The following DNAJC5B variants were observed in gnomAD, a reference collection of about 807,000 sequenced individuals.
DNAJC5B encodes dnaJ homolog subfamily C member 5B.
DNAJC5B carries 23 observed loss-of-function variants against 24.7 expected under a neutral mutation model. That is an observed-to-expected ratio of 0.93 (90% CI 0.67 to 1.32). DNAJC5B has a LOEUF of 1.32. Ranked by LOEUF, DNAJC5B falls within the 40% of genes most tolerant of loss-of-function variation. DNAJC5B has a pLI of 0.00. For synonymous variants in DNAJC5B, 101 were observed against 90.1 expected (o/e 1.12, Z -0.68); for missense variants, 238 against 240.8 (o/e 0.99, Z 0.08).
chr8:66,046,756 C>T (rs745490841), intron 2 of DNAJC5B, among the ~76,000 whole-genome samples: 5 of 152,204 alleles, frequency 3.3e-5, no homozygotes, highest in East Asian at 1.9e-4. Context: ...ATGAACTTAC[C>T]GTGGTCAAAA....
At chr8:66,028,935 C>G (rs1351656036) in intron 1 of DNAJC5B, among the ~76,000 whole-genome samples, 1 of 152,204 alleles carries the variant, frequency 6.6e-6, no homozygotes, top group African/African-American at 2.4e-5. Context: ...CTTCACTGGA[C>G]CAAGCCTCTC....
chr8:66,100,225 A>G lies in DNAJC5B; in HGVS notation c.*194A>G. 1 of 520,228 alleles carries G rather than the reference A, an allele frequency of 1.9e-6. No homozygotes were observed. Among genetic ancestry groups the G allele is most frequent in the Non-Finnish European group, 3.4e-6 (1 of 293,422 alleles). The allele number at this position is 520,228 out of a possible 1,614,324, so 32.2% of individuals were successfully genotyped here. A position where few individuals can be genotyped will look rare whatever the true frequency, so the allele number is the denominator to read the frequency against. On this transcript the variant is annotated 3_prime_UTR_variant, in exon 6 of 6. Coordinates refer to ENST00000276570, the MANE Select transcript of DNAJC5B (RefSeq NM_033105.6). ...TTCTCTCTGAGTAGAATTTCTTATG[A>G]AACACATTCAATTTGGGTGAATAAA...
At chr8:66,050,530 C>T (rs1271656934) in intron 2 of DNAJC5B, among the ~76,000 whole-genome samples, 3 of 152,100 alleles carry the variant, frequency 2.0e-5, no homozygotes, top group African/African-American at 7.2e-5. Context: ...ATAGATAGTT[C>T]TATATTTTTA....
intron 1 of DNAJC5B, among the ~76,000 whole-genome samples, chr8:66,033,846 A>G (rs2128956760): frequency 7.0e-6 from 1 of 143,674 alleles, no homozygotes; most frequent in Non-Finnish European, 1.5e-5. Context: ...ATTGAATCAT[A>G]GTTGAGAAGG....
At chr8:66,066,664 C>T (rs1807202655) in intron 3 of DNAJC5B, among the ~76,000 whole-genome samples, 1 of 152,022 alleles carries the variant, frequency 6.6e-6, no homozygotes, top group South Asian at 2.1e-4. Flanking sequence ...CACTTATAAG[C>T]TAAGCTATGG....
At chr8:66,076,914 C>T (rs1807480819) in intron 4 of DNAJC5B, 41 bp downstream of exon 4, 1 of 1,598,570 alleles carries the variant, frequency 6.3e-7, no homozygotes, top group Non-Finnish European at 8.6e-7. Context: ...CCTGTAAGAC[C>T]ATGATATTAA....
intron 3 of DNAJC5B, among the ~76,000 whole-genome samples, chr8:66,055,721 T>A (rs1806947392): frequency 1.3e-5 from 2 of 152,084 alleles, no homozygotes; most frequent in African/African-American, 2.4e-5. Flanking sequence ...GGTGGATGGA[T>A]CACTTGAGGT....
chr8:66,083,520 G>A (rs1807650738), intron 5 of DNAJC5B, among the ~76,000 whole-genome samples: 1 of 152,112 alleles, frequency 6.6e-6, no homozygotes, highest in East Asian at 1.9e-4. Context: ...AAGATTTGGA[G>A]GAATTTTCCA....
At chr8:66,079,811 A>G (rs548267699) in intron 4 of DNAJC5B, among the ~76,000 whole-genome samples, 1 of 152,184 alleles carries the variant, frequency 6.6e-6, no homozygotes, top group South Asian at 2.1e-4. Flanking sequence ...AAGTGTCCAG[A>G]CTAGACATAG....
At chr8:66,026,460 A>G (rs758605076) in intron 1 of DNAJC5B, among the ~76,000 whole-genome samples, 6 of 152,244 alleles carry the variant, frequency 3.9e-5, no homozygotes, top group Non-Finnish European at 8.8e-5. Flanking sequence ...GTTTTATTTA[A>G]GAGGCTTGGA....
At chr8:66,083,787 A>G (rs999830105) in intron 5 of DNAJC5B, among the ~76,000 whole-genome samples, 2 of 152,220 alleles carry the variant, frequency 1.3e-5, no homozygotes, top group Non-Finnish European at 2.9e-5. Flanking sequence ...AATTAAACTG[A>G]AACCTATCCC....
intron 1 of DNAJC5B, among the ~76,000 whole-genome samples, chr8:66,032,179 C>A (rs181419632): frequency 7.4e-4 from 113 of 152,384 alleles, no homozygotes; most frequent in African/African-American, 2.5e-3. Flanking sequence ...GCTGGGTACT[C>A]TGAACCAGTA....
intron 5 of DNAJC5B, among the ~76,000 whole-genome samples, chr8:66,098,594 T>C (rs1452720275): frequency 6.6e-6 from 1 of 150,710 alleles, no homozygotes; most frequent in Non-Finnish European, 1.5e-5. Flanking sequence ...TTGTCTCTCT[T>C]TTTTTTTTCT....
chr8:66,057,208 A>G (rs963313968), intron 3 of DNAJC5B: 2 of 152,198 alleles, frequency 1.3e-5, no homozygotes, highest in African/African-American at 4.8e-5. Flanking sequence ...TCTTGAAGCA[A>G]GTAAAAAAAA....
At chr8:66,068,224 T>C (rs1012243209) in intron 3 of DNAJC5B, among the ~76,000 whole-genome samples, 1 of 152,186 alleles carries the variant, frequency 6.6e-6, no homozygotes, top group Non-Finnish European at 1.5e-5. Flanking sequence ...GCAGAAATAA[T>C]AGGAACAGAG....
chr8:66,084,648 G>T (rs982000838), intron 5 of DNAJC5B, among the ~76,000 whole-genome samples: 1 of 152,014 alleles, frequency 6.6e-6, no homozygotes, highest in East Asian at 1.9e-4. Context: ...ACCAAAGGAG[G>T]GCATAGAGTC....
At chr8:66,030,125 A>G (rs1806328582) in intron 1 of DNAJC5B, among the ~76,000 whole-genome samples, 1 of 152,154 alleles carries the variant, frequency 6.6e-6, no homozygotes, top group African/African-American at 2.4e-5. Context: ...CTTCCTCCCC[A>G]ACTCAGATTT....
At chr8:66,075,018 A>G (rs1394238049) in intron 3 of DNAJC5B, among the ~76,000 whole-genome samples, 2 of 152,142 alleles carry the variant, frequency 1.3e-5, no homozygotes, top group Non-Finnish European at 2.9e-5. Flanking sequence ...AAGCCACCCT[A>G]GAAACAAGAA....
chr8:66,040,384 AT>A (rs1307320340), intron 1 of DNAJC5B, among the ~76,000 whole-genome samples: 1 of 129,864 alleles, frequency 7.7e-6, no homozygotes, highest in Non-Finnish European at 1.5e-5. Context: ...GTGAGACTCC[AT>A]TTAAAAAAAA....
Sources: gnomAD v4.1 joint callset for allele counts (sites outside exome capture counted in the v4.1 genomes callset) on GRCh38, gnomAD v4.1.1 for gene constraint, MANE v1.5 for transcripts, NCBI Gene and HGNC (gene_info 2026-07-23, HGNC 2026-07-21) for gene names.